The following PDZD2 variants were observed in gnomAD, a reference collection of about 807,000 sequenced individuals.
PDZD2 encodes PDZ domain containing 2.
Under a neutral mutation model 220.7 loss-of-function variants are expected in PDZD2, and 90 were observed. The observed-to-expected ratio is 0.41, with a 90% CI of 0.34 to 0.49. PDZD2 has a LOEUF of 0.49. Among genes scored for constraint, PDZD2 ranks in the 20% least tolerant of loss-of-function variants. The probability of loss-of-function intolerance (pLI) is 0.28; values close to 1 mark genes in which losing one functional copy is unlikely to be tolerated. For synonymous variants in PDZD2, 1,375 were observed against 1,450.5 expected (o/e 0.95, Z 1.18); for missense variants, 3,174 against 3,608.5 (o/e 0.88, Z 3.08).
At position 31,929,091 on chromosome 5, in the gene PDZD2, G is replaced by A. The variant is rs1035775759; in HGVS notation, c.477-54064G>A. Among the ~76,000 whole-genome samples, 6 of 152,256 alleles carry A rather than the reference G, an allele frequency of 3.9e-5. No individual in the cohort carries two copies. In the East Asian group the frequency reaches 7.7e-4, roughly 20 times the overall value. On this transcript the variant is annotated intron_variant, in intron 2 of 24. Coordinates refer to ENST00000438447, the MANE Select transcript of PDZD2 (RefSeq NM_178140.4). ...TCCCCCACCCTTGCTTGGGAGCCTC[G>A]TAGAAGCTGTGACCCATCCACCTGC...
At chr5:31,937,535 C>T (rs1382662626) in intron 2 of PDZD2, among the ~76,000 whole-genome samples, 2 of 152,150 alleles carry the variant, frequency 1.3e-5, no homozygotes, top group African/African-American at 4.8e-5. Flanking sequence ...GTGGTGGCCA[C>T]GTTTTGTGGC....
intron 1 of PDZD2, among the ~76,000 whole-genome samples, chr5:31,687,599 C>T (rs1459772015): frequency 6.6e-6 from 1 of 152,144 alleles, no homozygotes; most frequent in Non-Finnish European, 1.5e-5. Context: ...CTTCTTGGTA[C>T]CAAAATCTAT....
intron 2 of PDZD2, among the ~76,000 whole-genome samples, chr5:31,933,523 C>T (rs1745479007): frequency 6.6e-6 from 1 of 152,066 alleles, no homozygotes; most frequent in Non-Finnish European, 1.5e-5. Context: ...TGTTACCTTT[C>T]TGTTTTAGCT....
chr5:32,039,549 G>T (rs375421859), intron 7 of PDZD2, among the ~76,000 whole-genome samples: 6 of 151,978 alleles, frequency 3.9e-5, no homozygotes, highest in Non-Finnish European at 7.4e-5. Context: ...AGTGAGCAGC[G>T]TCTCTGCCTG....
intron 24 of PDZD2, chr5:32,107,587 CTG>C (rs1744903881): frequency 6.5e-6 from 1 of 154,094 alleles, no homozygotes; most frequent in South Asian, 2.0e-4. Flanking sequence ...ACCTGCTTTT[CTG>C]TGTTTACTGG....
chr5:31,664,437 T>C (rs1745899821), intron 1 of PDZD2, among the ~76,000 whole-genome samples: 1 of 149,322 alleles, frequency 6.7e-6, no homozygotes, highest in Admixed American at 6.7e-5. Context: ...CACAGACACA[T>C]GCGCATGCAT....
intron 1 of PDZD2, among the ~76,000 whole-genome samples, chr5:31,677,143 T>C (rs1354033441): frequency 2.6e-5 from 4 of 152,084 alleles, no homozygotes; most frequent in Non-Finnish European, 4.4e-5. Flanking sequence ...GCTGAAAGCT[T>C]TGAAAGCTTC....
chr5:31,877,205 G>T (rs1386848244), intron 2 of PDZD2, among the ~76,000 whole-genome samples: 1 of 152,000 alleles, frequency 6.6e-6, no homozygotes, highest in Non-Finnish European at 1.5e-5. Flanking sequence ...TCAGAAAGTT[G>T]TTTTTTTGTT....
chr5:31,639,758 T>G lies in PDZD2; in HGVS notation c.-361+321T>G, dbSNP rs899722621. On this transcript the variant is annotated intron_variant, in intron 1 of 24. Transcript: ENST00000438447. The surrounding 1 kb of genome is among the most constrained non-coding windows in gnomAD (Gnocchi z 4.1). The stretch of plus-strand genomic sequence containing the variant: ...TCAAGACAGGGCCGGGACCTCCTGC[T>G]CGGGCGCGCATCCCGGGTCCCCATC... Among the ~76,000 whole-genome samples the G allele has an allele frequency of 6.6e-6, 1 of 152,172 alleles. No individual in the cohort carries two copies. Among genetic ancestry groups the G allele is most frequent in the East Asian group, 1.9e-4 (1 of 5,150 alleles).
chr5:31,902,024 C>T (rs13155359), intron 2 of PDZD2, among the ~76,000 whole-genome samples: 20,153 of 152,202 alleles, frequency 0.13, 1,481 homozygotes, highest in Admixed American at 0.16. Context: ...TTTTGGCTAT[C>T]GTAAATAATA....
chr5:31,955,216 G>A (rs762976344), intron 2 of PDZD2, among the ~76,000 whole-genome samples: 1 of 152,070 alleles, frequency 6.6e-6, no homozygotes, highest in Non-Finnish European at 1.5e-5. Flanking sequence ...TGATTCACAT[G>A]TGACCCTCTA....
rs1029710552 is a variant in PDZD2, at chr5:32,074,481, C to T, written c.3375C>T (p.Ser1125=). 4 of 1,613,982 alleles carry T rather than the reference C, an allele frequency of 2.5e-6. No individual in the cohort carries two copies. The highest frequency in any genetic ancestry group is 1.3e-5 in the African/African-American group (1 of 74,948). ...GGCACAGACCAGTGGCCAGGGTAAG[C>T]CCCCACTGCAAGAGATCCGAGGCTG... ...GSRHRPVARV[S]PHCKRSEAEA... The change falls in exon 18 of 25, where the codon AGC becomes AGT. Residue 1125 remains serine, a synonymous_variant. Coordinates refer to ENST00000438447, the MANE Select transcript of PDZD2 (RefSeq NM_178140.4).
chr5:31,833,952 C>G (rs1044388811), intron 2 of PDZD2, among the ~76,000 whole-genome samples: 24 of 152,206 alleles, frequency 1.6e-4, no homozygotes, highest in African/African-American at 5.5e-4. Flanking sequence ...AGGTTAGCCA[C>G]CAGGATGCCA....
chr5:31,669,822 G>A (rs1484025583), intron 1 of PDZD2, among the ~76,000 whole-genome samples: 2 of 152,012 alleles, frequency 1.3e-5, no homozygotes, highest in East Asian at 1.9e-4. Flanking sequence ...TCTATCACCC[G>A]AAGAAACATG....
chr5:31,774,181 G>A (rs569766507), intron 1 of PDZD2, among the ~76,000 whole-genome samples: 3 of 152,206 alleles, frequency 2.0e-5, no homozygotes, highest in South Asian at 2.1e-4. Context: ...CTGCTCACCC[G>A]TTCTTATTTC....
At chr5:32,103,170 G>C (rs1419074197) in intron 24 of PDZD2, among the ~76,000 whole-genome samples, 3 of 152,158 alleles carry the variant, frequency 2.0e-5, no homozygotes, top group African/African-American at 7.2e-5. Flanking sequence ...TTTTCCAGAA[G>C]TGAAAAAATG....
intron 2 of PDZD2, among the ~76,000 whole-genome samples, chr5:31,931,842 T>C (rs1745317099): frequency 6.6e-6 from 1 of 151,492 alleles, no homozygotes; most frequent in African/African-American, 2.4e-5. Context: ...GTTGTGTGAG[T>C]TGAGGGTGTG....
chr5:31,787,182 CTCAG>C (rs1164617428), intron 1 of PDZD2, among the ~76,000 whole-genome samples: 8 of 152,174 alleles, frequency 5.3e-5, no homozygotes, highest in African/African-American at 1.7e-4. Flanking sequence ...CCTGACTGTT[CTCAG>C]TCAATTACCT....
chr5:31,962,931 C>T (rs1237461508), intron 2 of PDZD2, among the ~76,000 whole-genome samples: 1 of 152,152 alleles, frequency 6.6e-6, no homozygotes, highest in Non-Finnish European at 1.5e-5. Flanking sequence ...TTTTTCCATG[C>T]AGGCCCTGGC....
Sources: gnomAD v4.1 joint callset for allele counts (sites outside exome capture counted in the v4.1 genomes callset) on GRCh38, gnomAD v4.1.1 for gene constraint, Gnocchi (gnomAD v3.1) non-coding constraint, MANE v1.5 for transcripts, NCBI Gene and HGNC (gene_info 2026-07-23, HGNC 2026-07-21) for gene names.